The following MPHOSPH9 variants were observed in gnomAD, a reference collection of about 807,000 sequenced individuals.
The protein encoded by MPHOSPH9 is M-phase phosphoprotein 9.
A neutral mutation model predicts 145.5 loss-of-function variants in MPHOSPH9; 88 were observed. That is an observed-to-expected ratio of 0.60 (90% CI 0.51 to 0.72). MPHOSPH9 has a LOEUF of 0.72. MPHOSPH9 is among the 30% of genes least tolerant of loss of function. The pLI, the probability that MPHOSPH9 is intolerant of heterozygous loss-of-function variation, is 0.00. For missense variants in MPHOSPH9, 1,238 were observed against 1,386.6 expected, an observed-to-expected ratio of 0.89 and a Z score of 1.70; for synonymous variants, 435 against 486.2, an observed-to-expected ratio of 0.89 and a Z score of 1.39.
At chr12:123,179,072 T>A (rs1228224053) in intron 15 of MPHOSPH9, among the ~76,000 whole-genome samples, 1 of 152,218 alleles carries the variant, frequency 6.6e-6, no homozygotes, top group African/African-American at 2.4e-5. Context: ...AGAAAATACA[T>A]AATGTTTGGG....
intron 1 of MPHOSPH9, among the ~76,000 whole-genome samples, chr12:123,239,613 A>G (rs1415681310): frequency 6.6e-6 from 1 of 152,130 alleles, no homozygotes; most frequent in African/African-American, 2.4e-5. Flanking sequence ...CGTGTTAGCC[A>G]GGATGGTCTC....
At chr12:123,214,053 A>C (rs2046857891) in intron 7 of MPHOSPH9, among the ~76,000 whole-genome samples, 1 of 152,180 alleles carries the variant, frequency 6.6e-6, no homozygotes, top group African/African-American at 2.4e-5. Flanking sequence ...TATGGAAAAA[A>C]AAAAAAGTCT....
chr12:123,213,559 A>C (rs531736903), intron 7 of MPHOSPH9, among the ~76,000 whole-genome samples: 1 of 152,220 alleles, frequency 6.6e-6, no homozygotes, highest in African/African-American at 2.4e-5. Context: ...AGTTGGTCTC[A>C]AACTCATGGC....
chr12:123,233,396 A>C (rs1033674963), upstream of MPHOSPH9: 3 of 152,238 alleles, frequency 2.0e-5, no homozygotes, highest in Non-Finnish European at 2.9e-5. Flanking sequence ...AGTAAACATG[A>C]GCCTCTGGTA....
intron 13 of MPHOSPH9, among the ~76,000 whole-genome samples, chr12:123,182,249 G>GTTTT (rs72067812): frequency 2.7e-4 from 37 of 137,214 alleles, no homozygotes; most frequent in East Asian, 6.5e-4. Context: ...TTTTTTTTGT[G>GTTTT]TTTTTTTTTT....
intron 11 of MPHOSPH9, among the ~76,000 whole-genome samples, chr12:123,198,940 G>A (rs1484155621): frequency 1.3e-5 from 2 of 150,692 alleles, no homozygotes; most frequent in Non-Finnish European, 3.0e-5. Flanking sequence ...ATGATTTCTG[G>A]AAAAATGCAA....
rs1366124917 is a variant in MPHOSPH9, at chr12:123,166,730, G to C, written c.2516C>G (p.Ser839Cys). ...GTCCAGAGGCTGGCCAGTAAAGATG[G>C]AATACTCTGCACCTGGAATCAGCCA... is the stretch of plus-strand genomic sequence containing the variant. Reference protein sequence around the residue: ...RKWLIPGAEYSIFTGQPLDTQ... With the variant: ...RKWLIPGAEYCIFTGQPLDTQ... The change falls in exon 17 of 24, where the codon TCC (serine) becomes TGC (cysteine). Residue 839 changes from serine (S) to cysteine (C), a missense_variant. Ser to Cys is a moderately radical substitution (Grantham distance 112, BLOSUM62 -1). Around this residue, in one of 3 missense-constraint regions of MPHOSPH9, gnomAD observed 393 missense variants for 462.5 expected, o/e 0.85. Transcript: ENST00000606320. 2 of 1,614,052 alleles carry C rather than the reference G, an allele frequency of 1.2e-6. No individual in the cohort carries two copies. Among genetic ancestry groups the C allele is most frequent in the Admixed American group, 3.3e-5 (2 of 59,972 alleles).
intron 13 of MPHOSPH9, among the ~76,000 whole-genome samples, chr12:123,192,453 CAA>C (rs1215440637): frequency 1.4e-4 from 16 of 114,254 alleles, no homozygotes; most frequent in African/African-American, 9.8e-5. Flanking sequence ...GACTCCATCT[CAA>C]AAAAAAAAAA....
chr12:123,217,581 T>C (rs2047020902), intron 6 of MPHOSPH9, among the ~76,000 whole-genome samples: 2 of 152,156 alleles, frequency 1.3e-5, no homozygotes, highest in South Asian at 4.1e-4. Context: ...ATTAAATGGA[T>C]TACTCTCTGG....
chr12:123,156,978 CCTTT>C (rs1424024623), intron 23 of MPHOSPH9, 70 bp from the exon 24 acceptor site: 9 of 1,180,134 alleles, frequency 7.6e-6, no homozygotes, highest in Non-Finnish European at 9.6e-6. Flanking sequence ...ACCAAACTGA[CCTTT>C]CTTTTAGCAA....
At chr12:123,162,960 T>C in intron 20 of MPHOSPH9, 54 bp downstream of exon 20, 5 of 1,469,284 alleles carry the variant, frequency 3.4e-6, no homozygotes, top group Non-Finnish European at 3.6e-6. Context: ...AGTCAACATT[T>C]AGAAAAAAAT....
chr12:123,241,848 G>A (rs1216866105), intron 1 of MPHOSPH9, among the ~76,000 whole-genome samples: 1 of 152,180 alleles, frequency 6.6e-6, no homozygotes, highest in African/African-American at 2.4e-5. Flanking sequence ...GGAAGCTGGA[G>A]GAGGGGTGTG....
intron 12 of MPHOSPH9, among the ~76,000 whole-genome samples, chr12:123,194,939 GA>G (rs992762398): frequency 6.8e-5 from 10 of 147,972 alleles, no homozygotes; most frequent in African/African-American, 1.7e-4. Context: ...TATTTTAAAT[GA>G]AAAAAAAAGA....
At chr12:123,205,532 C>A (rs1257086674) in intron 8 of MPHOSPH9, among the ~76,000 whole-genome samples, 2 of 151,644 alleles carry the variant, frequency 1.3e-5, no homozygotes, top group Admixed American at 6.6e-5. Context: ...TGAAACAGAG[C>A]GAGACTCTGC....
At chr12:123,169,029 C>A (rs1489590871) in intron 16 of MPHOSPH9, among the ~76,000 whole-genome samples, 1 of 151,632 alleles carries the variant, frequency 6.6e-6, no homozygotes, top group African/African-American at 2.4e-5. Context: ...GGACTACAGG[C>A]GCCCACCACC....
intron 6 of MPHOSPH9, among the ~76,000 whole-genome samples, chr12:123,217,388 G>A (rs1483570156): frequency 2.6e-5 from 4 of 151,908 alleles, no homozygotes; most frequent in African/African-American, 4.8e-5. Flanking sequence ...AGTTAGAGAC[G>A]GGGTTTCACC....
chr12:123,174,257 A>G (rs1035871356), intron 16 of MPHOSPH9, among the ~76,000 whole-genome samples: 4 of 152,118 alleles, frequency 2.6e-5, no homozygotes, highest in African/African-American at 9.7e-5. Context: ...TTCCTTTGCC[A>G]GCTCTCTCTA....
At position 123,182,375 on chromosome 12, in the gene MPHOSPH9, T is replaced by A. The variant is rs566993839; in HGVS notation, c.2242-1165A>T. On this transcript the variant is annotated intron_variant, in intron 13 of 23. Transcript: ENST00000606320. ...TTCAAGCAATTCTCCCACCTCAGCT[T>A]CCCAAGTAGCTGGGATTACAGGCGT... Among the ~76,000 whole-genome samples, 6 of 151,240 alleles carry A rather than the reference T, an allele frequency of 4.0e-5. No homozygotes were observed. The East Asian group carries it at 9.9e-4, about 25-fold the overall frequency.
chr12:123,175,953 G>T (rs189292556), intron 16 of MPHOSPH9, among the ~76,000 whole-genome samples: 4 of 151,364 alleles, frequency 2.6e-5, no homozygotes, highest in Non-Finnish European at 4.4e-5. Context: ...GACTGGTCTC[G>T]AACTCCTGGA....
Sources: gnomAD v4.1 joint callset for allele counts (sites outside exome capture counted in the v4.1 genomes callset) on GRCh38, gnomAD v4.1.1 for gene constraint, gnomAD v4.1.1 regional missense constraint, MANE v1.5 for transcripts, NCBI Gene and HGNC (gene_info 2026-07-23, HGNC 2026-07-21) for gene names.